SORCS2: variants seen among roughly 807,000 people sequenced by gnomAD.
The protein encoded by SORCS2 is VPS10 domain-containing receptor SorCS2.
A neutral mutation model predicts 141.6 loss-of-function variants in SORCS2; 100 were observed. The observed-to-expected ratio is 0.71, with a 90% CI of 0.60 to 0.83. The LOEUF (loss-of-function observed/expected upper bound fraction) is 0.83, where lower values mean the gene tolerates loss of function less well. SORCS2 is among the 40% of genes least tolerant of loss of function. The pLI is 0.00. For synonymous variants in SORCS2, 789 were observed against 676.9 expected (o/e 1.17, Z -2.57); for missense variants, 1,646 against 1,560.2 (o/e 1.05, Z -0.93).
intron 2 of SORCS2, among the ~76,000 whole-genome samples, chr4:7,503,794 G>A (rs1732114536): frequency 6.6e-6 from 1 of 152,198 alleles, no homozygotes; most frequent in Non-Finnish European, 1.5e-5. Context: ...GAGACCGCTG[G>A]CCCCTGGCTT....
chr4:7,391,541 T>A (rs1723865704), intron 1 of SORCS2, among the ~76,000 whole-genome samples: 1 of 152,116 alleles, frequency 6.6e-6, no homozygotes, highest in South Asian at 2.1e-4. Context: ...ATGGCCGGCC[T>A]AGGGTCTCTC....
intron 1 of SORCS2, among the ~76,000 whole-genome samples, chr4:7,229,376 G>A (rs1000763032): frequency 2.6e-5 from 4 of 151,632 alleles, no homozygotes; most frequent in South Asian, 2.1e-4. Context: ...CTTAGCACCC[G>A]GGACTGAGAA....
chr4:7,275,532 TGA>T (rs759385480), intron 1 of SORCS2, among the ~76,000 whole-genome samples: 5 of 152,176 alleles, frequency 3.3e-5, no homozygotes, highest in Non-Finnish European at 5.9e-5. Context: ...GTCCCCAGGC[TGA>T]GAGGCCTTGG....
chr4:7,556,831 C>G (rs1714155059), intron 3 of SORCS2, among the ~76,000 whole-genome samples: 2 of 150,218 alleles, frequency 1.3e-5, no homozygotes, highest in South Asian at 4.3e-4. Flanking sequence ...ATCTACCCAT[C>G]CATCCACCTA....
intron 12 of SORCS2, among the ~76,000 whole-genome samples, chr4:7,701,487 G>T (rs1197642707): frequency 6.6e-6 from 1 of 152,192 alleles, no homozygotes; most frequent in Non-Finnish European, 1.5e-5. Flanking sequence ...GAGAGCCTGG[G>T]TGTATTCAGG....
intron 1 of SORCS2, among the ~76,000 whole-genome samples, chr4:7,204,182 A>G (rs1208539486): frequency 6.6e-6 from 1 of 152,172 alleles, no homozygotes; most frequent in Non-Finnish European, 1.5e-5. Context: ...AAATGCCCAG[A>G]AGTGGGATTG....
chr4:7,204,286 G>A (rs997510691), intron 1 of SORCS2, among the ~76,000 whole-genome samples: 1 of 152,066 alleles, frequency 6.6e-6, no homozygotes, highest in Admixed American at 6.5e-5. Context: ...TGTGGTCACA[G>A]CTCACTGCAG....
intron 8 of SORCS2, among the ~76,000 whole-genome samples, chr4:7,675,571 G>A (rs1180168488): frequency 3.9e-5 from 6 of 152,256 alleles, no homozygotes; most frequent in African/African-American, 1.4e-4. Context: ...TGGCTGGAAA[G>A]TTTCTGGCAT....
intron 2 of SORCS2, chr4:7,433,517 C>T (rs200541303): frequency 6.2e-7 from 1 of 1,607,848 alleles, no homozygotes; most frequent in Non-Finnish European, 8.5e-7. Context: ...TCCATCATGT[C>T]CTTGAGACTC....
chr4:7,202,233 C>T (rs1727521039), intron 1 of SORCS2, among the ~76,000 whole-genome samples: 1 of 152,190 alleles, frequency 6.6e-6, no homozygotes, highest in Middle Eastern at 3.2e-3. Context: ...CTTTTCCATT[C>T]AGCCTCATGA....
At chr4:7,453,718 CTGTGTTGGGGTCAGGAGCTG>C (rs1560297636) in intron 2 of SORCS2, among the ~76,000 whole-genome samples, 50 of 118,118 alleles carry the variant, frequency 4.2e-4, no homozygotes, top group African/African-American at 1.3e-3. Context: ...GGGTCAGGCA[CTGTGTTGGGGTCAGGAGCTG>C]TGTGTTGGGG....
At position 7,455,980 on chromosome 4, in the gene SORCS2, C is replaced by G. The variant is rs571099388; in HGVS notation, c.548+59625C>G. ...CTTAAACAAGAGTAATTCCTTTTCTCACAGTTCTGGAGGCTGAAAGCTTGA... is the reference window on the plus strand; with the variant it reads ...CTTAAACAAGAGTAATTCCTTTTCTGACAGTTCTGGAGGCTGAAAGCTTGA... On this transcript the variant is annotated intron_variant, in intron 2 of 26. Coordinates refer to ENST00000507866, the MANE Select transcript of SORCS2 (RefSeq NM_020777.3). 4.6e-5 allele frequency among the ~76,000 whole-genome samples: 7 copies of G among 152,264 alleles called. No homozygotes were observed. In the South Asian group the frequency reaches 1.5e-3, roughly 32 times the overall value.
intron 1 of SORCS2, among the ~76,000 whole-genome samples, chr4:7,335,515 C>G (rs11942531): frequency 6.6e-6 from 1 of 152,174 alleles, no homozygotes; most frequent in Non-Finnish European, 1.5e-5. Flanking sequence ...CACCCTGCCC[C>G]GCCTCTTGCT....
At chr4:7,432,287 C>A (rs1726922727) in intron 2 of SORCS2, 1 of 152,116 alleles carries the variant, frequency 6.6e-6, no homozygotes, top group Admixed American at 6.6e-5. Flanking sequence ...TTATACAGCG[C>A]TTGCACCGCC....
chr4:7,587,478 C>T (rs1352255861), intron 3 of SORCS2, among the ~76,000 whole-genome samples: 1 of 152,212 alleles, frequency 6.6e-6, no homozygotes, highest in Non-Finnish European at 1.5e-5. Flanking sequence ...TGCATTCTGC[C>T]AGGAGACTGT....
intron 1 of SORCS2, among the ~76,000 whole-genome samples, chr4:7,305,038 T>C (rs1471395283): frequency 1.8e-4 from 28 of 151,620 alleles, no homozygotes; most frequent in African/African-American, 1.9e-4. Flanking sequence ...CTCTTCTTTT[T>C]TTTTTTTTTT....
rs1727470913 is a variant in SORCS2 at position 7,201,275 on chromosome 4, T to G, written c.480+8149T>G. On this transcript the variant is annotated intron_variant, in intron 1 of 26. Transcript: ENST00000507866. This position sits in a 1 kb window ranked among gnomAD's most constrained non-coding sequence, Gnocchi z 4.4. ...CGCTCATGGGCACAGGAGAGACTCG[T>G]GCGTTGATCAAGAAGCCTGGCTCGA... Among the ~76,000 whole-genome samples the G allele has an allele frequency of 6.6e-6, 1 of 152,184 alleles. No individual in the cohort carries two copies. Among genetic ancestry groups the G allele is most frequent in the Non-Finnish European group, 1.5e-5 (1 of 68,028 alleles).
At chr4:7,332,448 C>G (rs943775310) in intron 1 of SORCS2, among the ~76,000 whole-genome samples, 1 of 152,236 alleles carries the variant, frequency 6.6e-6, no homozygotes, top group African/African-American at 2.4e-5. Flanking sequence ...GCCTCTGCTT[C>G]TGTCCAGGGG....
chr4:7,548,579 A>G (rs1713447806), intron 3 of SORCS2, among the ~76,000 whole-genome samples: 1 of 152,172 alleles, frequency 6.6e-6, no homozygotes, highest in Non-Finnish European at 1.5e-5. Context: ...TCCTTCAGTG[A>G]CACACATGGG....
Sources: gnomAD v4.1 joint callset for allele counts (sites outside exome capture counted in the v4.1 genomes callset) on GRCh38, gnomAD v4.1.1 for gene constraint, Gnocchi (gnomAD v3.1) non-coding constraint, MANE v1.5 for transcripts, NCBI Gene and HGNC (gene_info 2026-07-23, HGNC 2026-07-21) for gene names.